Variants in ACER3 observed in about 807,000 individuals in gnomAD.
The protein encoded by ACER3 is alkCDase 3.
In ACER3, 16 loss-of-function variants were observed where a neutral mutation model predicts 48.9. The ratio of observed to expected loss-of-function variants is 0.33; its 90% CI spans 0.22 to 0.50. ACER3 has a LOEUF of 0.50. ACER3 is among the 20% of genes least tolerant of loss of function. The pLI is 0.98. For missense variants in ACER3, 227 were observed against 326.0 expected (o/e 0.70, Z 2.34); for synonymous variants, 109 against 107.8 (o/e 1.01, Z -0.07).
intron 7 of ACER3, among the ~76,000 whole-genome samples, chr11:77,007,919 GAT>G (rs1555021367): frequency 1.3e-5 from 2 of 152,106 alleles, no homozygotes; most frequent in East Asian, 1.9e-4. Flanking sequence ...AAATAGCTAA[GAT>G]AGCAAATTTC....
In ACER3 at chr11:76,904,299, A is replaced by G. The variant is rs139605512; in HGVS notation, c.104-22258A>G. ...GGCGTGAGCTACTGCACTCTGCCCA[A>G]CCCCCCTTATCTTAAGCATTTCTTT... On this transcript the variant is annotated intron_variant, in intron 1 of 10. Coordinates refer to ENST00000532485, the MANE Select transcript of ACER3 (RefSeq NM_018367.7). 4.4e-3 allele frequency among the ~76,000 whole-genome samples: 676 copies of G among 151,952 alleles called. 10 individuals carry two copies. The highest frequency in any genetic ancestry group is 0.016 in the African/African-American group (644 of 41,446).
chr11:77,011,474 A>G (rs1949262804), intron 7 of ACER3: 1 of 739,258 alleles, frequency 1.4e-6, no homozygotes, highest in Admixed American at 6.3e-5. Context: ...AGAAGCCTTC[A>G]CTGTGTTGAG....
At chr11:76,991,829 A>AG (rs1555017879) in intron 6 of ACER3, among the ~76,000 whole-genome samples, 5 of 151,368 alleles carry the variant, frequency 3.3e-5, no homozygotes, top group East Asian at 1.9e-4. Context: ...AAAAAAAAAA[A>AG]AAAGAAAGAA....
In ACER3 at chr11:76,865,662, C is replaced by T. The variant is rs146736097; in HGVS notation, c.103+4583C>T. Among the ~76,000 whole-genome samples, 324 of 152,100 alleles carry T rather than the reference C, an allele frequency of 2.1e-3. 1 individual carries two copies. The highest frequency in any genetic ancestry group is 7.5e-3 in the African/African-American group (313 of 41,506). On this transcript the variant is annotated intron_variant, in intron 1 of 10. Transcript: ENST00000532485. ...TAACTGGGATTACAGGAGTGCACCA[C>T]CATGCCCAGCTAATTTTTGTATTTG...
chr11:76,913,419 A>G (rs1359675338), intron 1 of ACER3, among the ~76,000 whole-genome samples: 4 of 152,276 alleles, frequency 2.6e-5, no homozygotes, highest in South Asian at 2.1e-4. Context: ...GAATCGGAAT[A>G]GTGAGAGAGG....
rs1484766083 is a variant in ACER3 at position 77,021,746 on chromosome 11, G to C, written c.*1419G>C. 1 of 152,034 alleles carries C rather than the reference G, an allele frequency of 6.6e-6. No individual in the cohort carries two copies. Among genetic ancestry groups the C allele is most frequent in the East Asian group, 1.9e-4 (1 of 5,198 alleles). 9.4% of individuals were successfully genotyped at this position (152,034 alleles called of 1,614,324 possible). On this transcript the variant is annotated 3_prime_UTR_variant, in exon 11 of 11. Coordinates refer to ENST00000532485, the MANE Select transcript of ACER3 (RefSeq NM_018367.7). ...TAAAACACTGTTGTCATTTTTTCCA[G>C]TATTCAATAAGTAGCCTTTGTACAA...
chr11:77,005,257 G>T (rs147788104), intron 7 of ACER3, among the ~76,000 whole-genome samples: 1 of 152,094 alleles, frequency 6.6e-6, no homozygotes, highest in African/African-American at 2.4e-5. Context: ...GGATGGTCTC[G>T]ATCTCCTGAC....
chr11:76,923,149 TA>T (rs35125945), intron 1 of ACER3, among the ~76,000 whole-genome samples: 14 of 148,112 alleles, frequency 9.5e-5, no homozygotes, highest in African/African-American at 2.5e-4. Flanking sequence ...GAAGCAAAAT[TA>T]AAAAAAAAAA....
At chr11:77,003,806 T>C (rs1019529627) in intron 7 of ACER3, among the ~76,000 whole-genome samples, 28 of 152,176 alleles carry the variant, frequency 1.8e-4, no homozygotes, top group Admixed American at 1.7e-3. Flanking sequence ...CTTTGACCCA[T>C]GGATTATTTA....
intron 3 of ACER3, among the ~76,000 whole-genome samples, chr11:76,969,097 GA>G (rs1297169558): frequency 6.6e-6 from 1 of 150,460 alleles, no homozygotes; most frequent in African/African-American, 2.4e-5. Flanking sequence ...AAATTTACAA[GA>G]AAAAAACAAA....
chr11:76,876,755 T>C (rs941451179), intron 1 of ACER3, among the ~76,000 whole-genome samples: 3 of 152,222 alleles, frequency 2.0e-5, no homozygotes, highest in Non-Finnish European at 4.4e-5. Context: ...TATCTCATTG[T>C]GCTATCCAGT....
intron 1 of ACER3, among the ~76,000 whole-genome samples, chr11:76,875,146 ACT>A (rs1277908097): frequency 8.8e-6 from 1 of 113,072 alleles, no homozygotes; most frequent in Non-Finnish European, 1.7e-5. Context: ...ATGGAATCTC[ACT>A]CTGTTGCCAG....
chr11:76,888,687 A>T (rs377622274), intron 1 of ACER3, among the ~76,000 whole-genome samples: 1 of 49,176 alleles, frequency 2.0e-5, no homozygotes, highest in African/African-American at 3.7e-5. Flanking sequence ...GCAGACCACA[A>T]CATAGTAGCT....
chr11:76,960,861 G>T (rs1336020866), intron 3 of ACER3, among the ~76,000 whole-genome samples: 1 of 152,156 alleles, frequency 6.6e-6, no homozygotes, highest in Admixed American at 6.5e-5. Flanking sequence ...TCCCAAGTTG[G>T]GGGGGTCATT....
intron 8 of ACER3, among the ~76,000 whole-genome samples, chr11:77,016,420 G>C (rs1384214050): frequency 2.6e-5 from 4 of 152,098 alleles, no homozygotes; most frequent in Non-Finnish European, 4.4e-5. Context: ...CATAGTATCT[G>C]GGATTTGCTT....
chr11:76,881,430 A>T (rs1945525240), intron 1 of ACER3, among the ~76,000 whole-genome samples: 1 of 152,054 alleles, frequency 6.6e-6, no homozygotes, highest in Admixed American at 6.5e-5. Flanking sequence ...AAATTATTTG[A>T]ATATTATTTT....
intron 1 of ACER3, among the ~76,000 whole-genome samples, chr11:76,912,794 T>G (rs2134730348): frequency 6.6e-6 from 1 of 152,276 alleles, no homozygotes; most frequent in South Asian, 2.1e-4. Context: ...TTAATGACAA[T>G]AAATCATAAA....
At chr11:77,016,535 A>G (rs544523380) in intron 8 of ACER3, 140 bp from the exon 9 acceptor site, 35 of 475,368 alleles carry the variant, frequency 7.4e-5, no homozygotes, top group Admixed American at 4.7e-4. Context: ...TTGGATAACA[A>G]TGTGGCAGAC....
At chr11:76,945,761 C>T (rs1373210513) in intron 2 of ACER3, among the ~76,000 whole-genome samples, 1 of 152,106 alleles carries the variant, frequency 6.6e-6, no homozygotes. Flanking sequence ...AACTCCTGGG[C>T]AGCTGGTGTG....
Sources: gnomAD v4.1 joint callset for allele counts (sites outside exome capture counted in the v4.1 genomes callset) on GRCh38, gnomAD v4.1.1 for gene constraint, MANE v1.5 for transcripts, NCBI Gene and HGNC (gene_info 2026-07-23, HGNC 2026-07-21) for gene names.